Variants in SYCE1 observed in about 807,000 individuals in gnomAD.
SYCE1 encodes the protein synaptonemal complex central element protein 1, also known as cancer/testis antigen 76.
Under a neutral mutation model 55.1 loss-of-function variants are expected in SYCE1, and 37 were observed. The observed-to-expected ratio is 0.67, with a 90% confidence interval of 0.52 to 0.88. The LOEUF is 0.88. SYCE1 is among the 40% of genes least tolerant of loss of function. The pLI, the probability that SYCE1 is intolerant of heterozygous loss-of-function variation, is 0.00. For missense variants in SYCE1, 399 were observed against 416.4 expected, an observed-to-expected ratio of 0.96 and a Z score of 0.36; for synonymous variants, 163 against 159.4, an observed-to-expected ratio of 1.02 and a Z score of -0.17.
At chr10:133,555,165 C>A in intron 12 of SYCE1, 36 bp from the exon 13 acceptor site, 1 of 1,534,044 alleles carries the variant, frequency 6.5e-7, no homozygotes. Context: ...GGAATTTACA[C>A]CCATCCCCAT....
At chr10:133,554,805 G>C, downstream of SYCE1, 5 of 1,464,296 alleles carry the variant, frequency 3.4e-6, no homozygotes, top group Non-Finnish European at 4.5e-6. Flanking sequence ...TGCGGACCCA[G>C]AAGAAGCTGG....
rs1477780401 is a variant in SYCE1 at position 133,557,097 on chromosome 10, T to C, written c.434A>G (p.Glu145Gly). 1.2e-6 allele frequency: 2 copies of C among 1,614,168 alleles called. No homozygotes were observed. The highest frequency in any genetic ancestry group is 1.3e-5 in the African/African-American group (1 of 75,030). The change falls in exon 7 of 13, where the codon GAA (glutamate) becomes GGA (glycine). Residue 145 changes from glutamate (E) to glycine (G), a missense_variant. Physicochemically the swap from Glu to Gly is moderately conservative, Grantham distance 98. Coordinates refer to ENST00000343131, the MANE Select transcript of SYCE1 (RefSeq NM_001143764.3). ...CTGTCTCTGTTTGTTCTTCTCTTCT[T>C]CAATCTGCAAGTTCAGGGCAGAAAT... is the stretch of plus-strand genomic sequence containing the variant. ...ERISALNLQI[E>G]EEKNKQRQLR...
At chr10:133,557,422 T>C in intron 6 of SYCE1, 1 of 521,514 alleles carries the variant, frequency 1.9e-6, no homozygotes, top group South Asian at 2.5e-5. Context: ...AGCTGAAATC[T>C]CAGTGTGCCA....
intron 1 of SYCE1, among the ~76,000 whole-genome samples, chr10:133,561,705 T>G (rs1851818501): frequency 1.3e-5 from 2 of 152,166 alleles, no homozygotes; most frequent in Admixed American, 1.3e-4. Flanking sequence ...ATCATTAGAG[T>G]GTCCAGTAAC....
intron 8 of SYCE1, chr10:133,556,290 A>C: frequency 1.7e-6 from 1 of 587,454 alleles, no homozygotes; most frequent in South Asian, 2.1e-5. Context: ...TGTTATTTAC[A>C]ACAGATAAAC....
intron 10 of SYCE1, 26 bp downstream of exon 10, chr10:133,555,754 C>T (rs3827688): frequency 0.11 from 175,305 of 1,609,994 alleles, 10,997 homozygotes; most frequent in East Asian, 0.27. Flanking sequence ...CTCCCTCCTC[C>T]CACCCTCTTC....
chr10:133,557,191 C>T, intron 6 of SYCE1, 35 bp from the exon 7 acceptor site: 1 of 1,597,574 alleles, frequency 6.3e-7, no homozygotes, highest in Non-Finnish European at 8.6e-7. Context: ...GCCATGTTCT[C>T]TTAAGCCCCA....
rs1427972104 is a variant in SYCE1, at chr10:133,556,827, G to A, written c.465-5C>T. On this transcript the variant is annotated splice_region_variant and splice_polypyrimidine_tract_variant and intron_variant, in intron 7 of 12. Coordinates refer to ENST00000343131, the MANE Select transcript of SYCE1 (RefSeq NM_001143764.3). ...AGCTGTTCCTCGAATGCCAACCTGGGAACCAACCACAGGCATGAGGGGATA... is the reference window on the plus strand; with the variant it reads ...AGCTGTTCCTCGAATGCCAACCTGGAAACCAACCACAGGCATGAGGGGATA... 1 of 1,592,642 alleles carries A rather than the reference G, an allele frequency of 6.3e-7. No individual in the cohort carries two copies. Among genetic ancestry groups the A allele is most frequent in the Non-Finnish European group, 8.6e-7 (1 of 1,169,330 alleles).
At position 133,560,236 on chromosome 10, in the gene SYCE1, G is replaced by A; in HGVS notation, c.74-83C>T. On this transcript the variant is annotated intron_variant, in intron 1 of 12. Coordinates refer to ENST00000343131, the MANE Select transcript of SYCE1 (RefSeq NM_001143764.3). ...CTGAGACTGAGGCAGGCTGAGGGCA[G>A]GTCTCCAGCCAGAGTGGTGCCCCTT... is the stretch of plus-strand genomic sequence containing the variant. The A allele has an allele frequency of 3.3e-6, 4 of 1,222,198 alleles. No homozygotes were observed. In the Admixed American group the frequency reaches 7.0e-5, roughly 21 times the overall value. The allele number at this position is 1,222,198 out of a possible 1,614,324, so 75.7% of individuals were successfully genotyped here.
In SYCE1 at chr10:133,555,803, G is replaced by T. The variant is rs760017001; in HGVS notation, c.696C>A (p.Arg232=). The T allele has an allele frequency of 6.2e-7, 1 of 1,613,408 alleles. No homozygotes were observed. The highest frequency in any genetic ancestry group is 8.5e-7 in the Non-Finnish European group (1 of 1,179,996). Residue 232 remains arginine (R), a synonymous_variant, in exon 10 of 13, where the codon CGC becomes CGA. Transcript: ENST00000343131. ...ACACTGTGGCTGCAGCCTCCTGGCT[G>T]CGGAGAAAGAGTCCCTCATCAAGGG... ...PSTLDEGLFL[R]SQEAAATVQL... is the part of the protein sequence containing the mutation.
At chr10:133,563,867 A>G (rs916670447) in intron 1 of SYCE1, among the ~76,000 whole-genome samples, 1 of 152,192 alleles carries the variant, frequency 6.6e-6, no homozygotes, top group Non-Finnish European at 1.5e-5. Context: ...GAAAAAATTG[A>G]AACACCAACA....
chr10:133,558,274 G>A (rs1851737140), intron 4 of SYCE1, 60 bp from the exon 5 acceptor site: 1 of 1,581,902 alleles, frequency 6.3e-7, no homozygotes, highest in Admixed American at 1.7e-5. Context: ...CAGGGATGGG[G>A]CTTGCTCACG....
chr10:133,561,487 A>C (rs1381396557), intron 1 of SYCE1, among the ~76,000 whole-genome samples: 2 of 152,232 alleles, frequency 1.3e-5, no homozygotes, highest in Admixed American at 6.5e-5. Flanking sequence ...TCCAACAAGG[A>C]AGGCAAGTTT....
At chr10:133,568,186 A>G (rs1194982220), upstream of SYCE1, 1 of 1,044,386 alleles carries the variant, frequency 9.6e-7, no homozygotes, top group Admixed American at 2.0e-5. Flanking sequence ...AAGTCCACGT[A>G]CAGTAGCTGT....
chr10:133,554,424 C>T (rs569463582), downstream of SYCE1: 133 of 1,104,968 alleles, frequency 1.2e-4, no homozygotes, highest in East Asian at 9.4e-4. Context: ...ATTGGGTCAA[C>T]GCATTTCAGT....
At chr10:133,568,242 G>T (rs534032007), upstream of SYCE1, 3 of 1,405,252 alleles carry the variant, frequency 2.1e-6, no homozygotes, top group Non-Finnish European at 2.9e-6. Context: ...AGTCCTCCTC[G>T]TCCTCCAGGC....
chr10:133,567,867 T>G (rs1415743843), upstream of SYCE1: 1 of 450,318 alleles, frequency 2.2e-6, no homozygotes, highest in African/African-American at 2.0e-5. Context: ...GCCCATGGTC[T>G]CCTCTAGGTG....
rs1368324909 is a variant in SYCE1, at chr10:133,559,307, G to A, written c.190C>T (p.Gln64Ter). ...CCAAGGCCCCTGAACTCACCTTGCT[G>A]GACCTCATTAATCCGGTTAATCAGG... ...EVLINRINEV[Q>*]QAKKKANKDL... Residue 64 changes from glutamine (Q) to a stop codon, truncating the protein, a stop_gained, in exon 3 of 13, where the codon CAG becomes TAG. Transcript: ENST00000343131. LOFTEE classifies it high-confidence loss of function. 6.2e-7 allele frequency: 1 copy of A among 1,614,042 alleles called. No individual in the cohort carries two copies. The highest frequency in any genetic ancestry group is 8.5e-7 in the Non-Finnish European group (1 of 1,180,018).
chr10:133,567,250 C>T (rs943581809), upstream of SYCE1, among the ~76,000 whole-genome samples: 19 of 150,476 alleles, frequency 1.3e-4, no homozygotes, highest in African/African-American at 2.0e-4. Flanking sequence ...GGCTTGGGTT[C>T]AGGGTCAAGT....
Sources: allele counts gnomAD v4.1 joint callset (sites outside exome capture counted in the v4.1 genomes callset), GRCh38; gene constraint gnomAD v4.1.1; transcripts MANE v1.5; gene names NCBI Gene and HGNC (gene_info 2026-07-23, HGNC 2026-07-21).